Variants in NGLY1 observed in about 807,000 individuals in gnomAD.
NGLY1 encodes peptide-N(4)-(N-acetyl-beta-glucosaminyl)asparagine amidase.
A neutral mutation model predicts 84.6 loss-of-function variants in NGLY1; 68 were observed. The ratio of observed to expected loss-of-function variants is 0.80; its 90% CI spans 0.66 to 0.98. The LOEUF (loss-of-function observed/expected upper bound fraction) is 0.98, where lower values mean the gene tolerates loss of function less well. NGLY1 is among the 50% of genes least tolerant of loss of function. NGLY1 has a pLI of 0.00. For synonymous variants in NGLY1, 280 were observed against 275.2 expected (o/e 1.02, Z -0.17); for missense variants, 779 against 770.2 (o/e 1.01, Z -0.14).
intron 3 of NGLY1, among the ~76,000 whole-genome samples, 176 bp downstream of exon 3, chr3:25,763,890 A>C (rs900036770): frequency 6.6e-6 from 1 of 152,228 alleles, no homozygotes; most frequent in Non-Finnish European, 1.5e-5. Context: ...TTAATGCAGT[A>C]GAGGAAATCT....
chr3:25,756,239 C>T (rs1707027755), intron 3 of NGLY1, among the ~76,000 whole-genome samples: 2 of 152,166 alleles, frequency 1.3e-5, no homozygotes, highest in African/African-American at 2.4e-5. Context: ...TCTGCACCTA[C>T]CCCATAGGTT....
upstream of NGLY1, chr3:25,783,540 TCCTCGGCCGGCAGGGG>T (rs1708527185): frequency 4.4e-5 from 8 of 182,380 alleles, no homozygotes; most frequent in Admixed American, 1.8e-4. This position sits in a 1 kb window ranked among gnomAD's most constrained non-coding sequence, Gnocchi z 4.5. Flanking sequence ...AGGGGCGGGG[TCCTCGGCCGGCAGGGG>T]CGGGGTCCTC....
chr3:25,787,891 G>A (rs79519332), upstream of NGLY1, among the ~76,000 whole-genome samples: 1,084 of 152,248 alleles, frequency 7.1e-3, 41 homozygotes, highest in East Asian at 0.058. Context: ...CCAGGCCTTT[G>A]TTCTCCTCCT....
intron 10 of NGLY1, among the ~76,000 whole-genome samples, chr3:25,727,948 T>A (rs1256818896): frequency 6.6e-6 from 1 of 152,170 alleles, no homozygotes; most frequent in Non-Finnish European, 1.5e-5. Context: ...ATTCTTAGGC[T>A]AAGGATAGTC....
Position 25,783,383 on chromosome 3 carries a change from G to A in NGLY1, c.8C>T (p.Ala3Val), listed in dbSNP as rs746390289. 18 of 1,539,134 alleles carry A rather than the reference G, an allele frequency of 1.2e-5. No individual in the cohort carries two copies. The highest frequency in any genetic ancestry group is 1.4e-5 in the Non-Finnish European group (16 of 1,143,636). Residue 3 changes from alanine to valine, a missense_variant, in exon 1 of 12, where the codon GCG becomes GTG. By Grantham distance (64) the Ala-to-Val change is moderately conservative (BLOSUM62 0). Coordinates refer to ENST00000280700, the MANE Select transcript of NGLY1 (RefSeq NM_018297.4). The surrounding 1 kb of genome is among the most constrained non-coding windows in gnomAD (Gnocchi z 4.5). ...GCCTGAGGAGCTGCCCAATGCCGCC[G>A]CCGCCATGCTTGAGCGCCAGCGGGC... Reference protein sequence around the residue: MAAAALGSSSGSA... With the variant: MAVAALGSSSGSA...
At chr3:25,783,674 C>T (rs187227069), upstream of NGLY1, 5 of 265,764 alleles carry the variant, frequency 1.9e-5, no homozygotes, top group Non-Finnish European at 2.7e-5. The surrounding 1 kb of genome is among the most constrained non-coding windows in gnomAD (Gnocchi z 4.5). Flanking sequence ...GCTACGGCTG[C>T]CCCTTCGCGG....
chr3:25,748,146 T>TG (rs1706536076), intron 4 of NGLY1, among the ~76,000 whole-genome samples: 1 of 152,110 alleles, frequency 6.6e-6, no homozygotes, highest in Non-Finnish European at 1.5e-5. Context: ...GTCTCACCTA[T>TG]GGGGGTAAAA....
chr3:25,732,697 C>T (rs1705602465), intron 8 of NGLY1, among the ~76,000 whole-genome samples: 1 of 152,084 alleles, frequency 6.6e-6, no homozygotes, highest in African/African-American at 2.4e-5. Context: ...CATTTAACAC[C>T]TATTTCCAAC....
chr3:25,754,944 C>A (rs1024709332), intron 3 of NGLY1: 31 of 728,860 alleles, frequency 4.3e-5, no homozygotes, highest in Non-Finnish European at 7.1e-5. Context: ...GGCAAGATGG[C>A]ACTTCCCAAG....
rs142023164 is a variant in NGLY1, at chr3:25,770,903, T to C, written c.247-6592A>G. Among the ~76,000 whole-genome samples, 1,128 of 152,302 alleles carry C rather than the reference T, an allele frequency of 7.4e-3. 12 individuals carry two copies. The highest frequency in any genetic ancestry group is 0.012 in the Non-Finnish European group (784 of 68,024). ...TAGCCAACTTTTTGATGGGATTTTT[T>C]TTCTTGCTGATTTGTTTGAGTTCCT... On this transcript the variant is annotated intron_variant, in intron 2 of 11. Coordinates refer to ENST00000280700, the MANE Select transcript of NGLY1 (RefSeq NM_018297.4).
rs778610685 is a variant in NGLY1 at position 25,739,823 on chromosome 3, G to T, written c.659-24C>A. The T allele has an allele frequency of 3.4e-5, 53 of 1,579,218 alleles. No homozygotes were observed. The Admixed American group carries it at 8.4e-4, about 25-fold the overall frequency. ...ACCTGAGAAATTAAGGGAGGACCAAGTAAGAGCTAAAACTGACAAAATTTA... is the reference window on the plus strand; with the variant it reads ...ACCTGAGAAATTAAGGGAGGACCAATTAAGAGCTAAAACTGACAAAATTTA... On this transcript the variant is annotated intron_variant, in intron 4 of 11. Coordinates refer to ENST00000280700, the MANE Select transcript of NGLY1 (RefSeq NM_018297.4).
chr3:25,727,842 T>C (rs1277382461), intron 10 of NGLY1, among the ~76,000 whole-genome samples: 1 of 152,164 alleles, frequency 6.6e-6, no homozygotes, highest in Non-Finnish European at 1.5e-5. Context: ...CATTGCTGGT[T>C]AGGAGGAAAC....
chr3:25,733,111 G>A (rs1400388554), intron 8 of NGLY1, among the ~76,000 whole-genome samples: 1 of 152,170 alleles, frequency 6.6e-6, no homozygotes, highest in Non-Finnish European at 1.5e-5. Flanking sequence ...GGGTCAGAGT[G>A]TTCTAATGCA....
intron 1 of NGLY1, among the ~76,000 whole-genome samples, chr3:25,789,238 C>G (rs374190855): frequency 6.6e-6 from 1 of 152,018 alleles, no homozygotes; most frequent in African/African-American, 2.4e-5. Flanking sequence ...ACAAATGTCT[C>G]CATTGTGACA....
At chr3:25,752,600 G>A (rs1706811550) in intron 3 of NGLY1, among the ~76,000 whole-genome samples, 1 of 151,544 alleles carries the variant, frequency 6.6e-6, no homozygotes, top group South Asian at 2.1e-4. Flanking sequence ...CTTGAGTAGG[G>A]AGTTCTAGGC....
At chr3:25,734,732 T>TAAAAC in intron 7 of NGLY1, 1 of 866,114 alleles carries the variant, frequency 1.2e-6, no homozygotes, top group Non-Finnish European at 1.4e-6. Flanking sequence ...TAAAATAAAA[T>TAAAAC]AAAACGTAAA....
chr3:25,760,689 G>A (rs1304764024), intron 3 of NGLY1, among the ~76,000 whole-genome samples: 3 of 151,774 alleles, frequency 2.0e-5, no homozygotes, highest in African/African-American at 7.3e-5. Flanking sequence ...GAGAAACCCC[G>A]TCTCTACTAA....
At chr3:25,785,657 G>T (rs1402023470), upstream of NGLY1, among the ~76,000 whole-genome samples, 1 of 131,550 alleles carries the variant, frequency 7.6e-6, no homozygotes, top group Non-Finnish European at 1.6e-5. Flanking sequence ...AACATGGCAA[G>T]ACCCCATCTC....
At chr3:25,733,466 C>CGTGTATGTGTGTGTGTGTGTGTGT (rs1491564606) in intron 8 of NGLY1, among the ~76,000 whole-genome samples, 1 of 134,124 alleles carries the variant, frequency 7.5e-6, no homozygotes, top group African/African-American at 2.8e-5. Flanking sequence ...CTCACATGGA[C>CGTGTATGTGTGTGTGTGTGTGTGT]GTGTGTGTGT....
Sources: gnomAD v4.1 joint callset for allele counts (sites outside exome capture counted in the v4.1 genomes callset) on GRCh38, gnomAD v4.1.1 for gene constraint, Gnocchi (gnomAD v3.1) non-coding constraint, MANE v1.5 for transcripts, NCBI Gene and HGNC (gene_info 2026-07-23, HGNC 2026-07-21) for gene names.